The following TBC1D19 variants were observed in gnomAD, a reference collection of about 807,000 sequenced individuals.
TBC1D19 encodes the protein TBC1 domain family member 19, also known as TBC1 domain family, member 19.
TBC1D19 carries 60 observed loss-of-function variants against 89.0 expected under a neutral mutation model. The ratio of observed to expected loss-of-function variants is 0.67; its 90% CI spans 0.55 to 0.84. The LOEUF (loss-of-function observed/expected upper bound fraction) is 0.84. TBC1D19 is among the 40% of genes least tolerant of loss of function. TBC1D19 has a pLI of 0.00. For missense variants in TBC1D19, 500 were observed against 610.8 expected (o/e 0.82, Z 1.91); for synonymous variants, 189 against 199.7 (o/e 0.95, Z 0.45).
chr4:26,746,232 A>ATT (rs11315419), intron 18 of TBC1D19, among the ~76,000 whole-genome samples: 241 of 131,980 alleles, frequency 1.8e-3, no homozygotes, highest in African/African-American at 6.5e-3. Flanking sequence ...TTGCAGGTCT[A>ATT]TTTTTTTTTT....
At chr4:26,851,513 G>A in the TBC1D19 span, among the ~76,000 whole-genome samples, 1 of 152,094 alleles carries the variant, frequency 6.6e-6, no homozygotes, top group Non-Finnish European at 1.5e-5. Context: ...TTCTATTACT[G>A]TGAAATGATC....
the TBC1D19 span, among the ~76,000 whole-genome samples, chr4:26,802,409 T>G: frequency 6.6e-6 from 1 of 152,188 alleles, no homozygotes. Context: ...GAGACCAGCC[T>G]GGGCAACATG....
At position 26,753,891 on chromosome 4, in the gene TBC1D19, G is replaced by A; in HGVS notation, c.1506+1G>A. On this transcript the variant is annotated splice_donor_variant, in intron 20 of 20. Coordinates refer to ENST00000264866, the MANE Select transcript of TBC1D19 (RefSeq NM_018317.4). LOFTEE classifies it high-confidence loss of function. ...GGTGACATCACTGGCTGCAGCTGAAGTAAGGATAAGTTTCACTCAGATGGG... is the reference window on the plus strand; with the variant it reads ...GGTGACATCACTGGCTGCAGCTGAAATAAGGATAAGTTTCACTCAGATGGG... 6.2e-7 allele frequency: 1 copy of A among 1,613,878 alleles called. No homozygotes were observed. The highest frequency in any genetic ancestry group is 8.5e-7 in the Non-Finnish European group (1 of 1,179,840).
At chr4:26,613,042 A>G (rs1264138007) in intron 1 of TBC1D19, 127 bp from the exon 2 acceptor site, 2 of 651,020 alleles carry the variant, frequency 3.1e-6, no homozygotes, top group Non-Finnish European at 5.1e-6. Context: ...AGGATTTTTC[A>G]AGTAGTATAC....
At chr4:26,742,250 T>C (rs1420051516) in intron 17 of TBC1D19, among the ~76,000 whole-genome samples, 1 of 152,184 alleles carries the variant, frequency 6.6e-6, no homozygotes, top group Non-Finnish European at 1.5e-5. Context: ...TATATACTGG[T>C]TTATGTGGGG....
At chr4:26,857,146 T>C in the TBC1D19 span, among the ~76,000 whole-genome samples, 1 of 152,218 alleles carries the variant, frequency 6.6e-6, no homozygotes, top group Admixed American at 6.5e-5. Context: ...AGTGCTTTAT[T>C]AAACAATTTG....
chr4:26,597,052 T>TG (rs1740268492), intron 1 of TBC1D19, among the ~76,000 whole-genome samples: 1 of 152,230 alleles, frequency 6.6e-6, no homozygotes. Context: ...CATTGTTGGA[T>TG]TAGATTACCT....
chr4:26,802,235 A>G, the TBC1D19 span, among the ~76,000 whole-genome samples: 1 of 152,232 alleles, frequency 6.6e-6, no homozygotes, highest in Non-Finnish European at 1.5e-5. Context: ...TGAAGAAATT[A>G]TAATAGAACT....
At chr4:26,788,487 T>C in the TBC1D19 span, among the ~76,000 whole-genome samples, 1 of 152,174 alleles carries the variant, frequency 6.6e-6, no homozygotes, top group South Asian at 2.1e-4. Flanking sequence ...CCTCTCTCTA[T>C]GTTGTGACAC....
At chr4:26,776,406 A>G in the TBC1D19 span, among the ~76,000 whole-genome samples, 1 of 152,172 alleles carries the variant, frequency 6.6e-6, no homozygotes, top group East Asian at 1.9e-4. Context: ...AGATAACAAA[A>G]CTCACCCCAA....
chr4:26,739,821 T>A (rs1718247875), intron 16 of TBC1D19, 43 bp from the exon 17 acceptor site: 3 of 1,102,866 alleles, frequency 2.7e-6, no homozygotes, highest in Middle Eastern at 2.1e-4. Context: ...ATCTTAACAT[T>A]TCAGTAGTTC....
intron 7 of TBC1D19, among the ~76,000 whole-genome samples, chr4:26,656,617 G>A (rs1744831108): frequency 6.6e-6 from 1 of 150,948 alleles, no homozygotes; most frequent in African/African-American, 2.4e-5. Context: ...GGAGTGCAGT[G>A]GCACAATCTT....
chr4:26,830,648 T>A, the TBC1D19 span, among the ~76,000 whole-genome samples: 3 of 152,184 alleles, frequency 2.0e-5, no homozygotes, highest in African/African-American at 7.2e-5. Flanking sequence ...TGCCTATGAT[T>A]ACAAAGAACC....
At chr4:26,749,693 C>T (rs1267731864) in intron 19 of TBC1D19, among the ~76,000 whole-genome samples, 2 of 151,990 alleles carry the variant, frequency 1.3e-5, no homozygotes, top group African/African-American at 2.4e-5. Flanking sequence ...GTGATCCACC[C>T]GCCTCGGCCT....
chr4:26,753,443 A>G (rs1356733910), intron 19 of TBC1D19, among the ~76,000 whole-genome samples: 1 of 152,222 alleles, frequency 6.6e-6, no homozygotes, highest in Non-Finnish European at 1.5e-5. Flanking sequence ...CAGCCTAGGC[A>G]ACATAGTAAG....
the TBC1D19 span, among the ~76,000 whole-genome samples, chr4:26,770,425 A>C: frequency 6.6e-6 from 1 of 152,134 alleles, no homozygotes; most frequent in East Asian, 1.9e-4. Context: ...ATTGCAAGGA[A>C]AAACAGACAA....
chr4:26,627,691 T>C (rs1302871002), intron 4 of TBC1D19, among the ~76,000 whole-genome samples: 1 of 152,152 alleles, frequency 6.6e-6, no homozygotes, highest in African/African-American at 2.4e-5. Flanking sequence ...ATGTCTTCTT[T>C]TGAGAAGTGT....
the TBC1D19 span, among the ~76,000 whole-genome samples, chr4:26,771,859 CA>C: frequency 6.6e-6 from 1 of 151,782 alleles, no homozygotes; most frequent in Non-Finnish European, 1.5e-5. Flanking sequence ...AATTAAACCC[CA>C]AAATAAGTAG....
intron 1 of TBC1D19, among the ~76,000 whole-genome samples, chr4:26,588,926 G>A (rs1203867569): frequency 6.6e-6 from 1 of 151,892 alleles, no homozygotes; most frequent in African/African-American, 2.4e-5. Context: ...GAGTGTAGGG[G>A]CTTCAGTCAA....
Sources: gnomAD v4.1 joint callset for allele counts (sites outside exome capture counted in the v4.1 genomes callset) on GRCh38, gnomAD v4.1.1 for gene constraint, MANE v1.5 for transcripts, NCBI Gene and HGNC (gene_info 2026-07-23, HGNC 2026-07-21) for gene names.